The following TNFSF15 variants were observed in gnomAD, a reference collection of about 807,000 sequenced individuals.
TNFSF15 encodes the protein TNF superfamily member 15.
A neutral mutation model predicts 26.4 loss-of-function variants in TNFSF15; 15 were observed. The ratio of observed to expected loss-of-function variants is 0.57; its 90% CI spans 0.38 to 0.87. The LOEUF (loss-of-function observed/expected upper bound fraction) is 0.87. Among genes scored for constraint, TNFSF15 ranks in the 40% least tolerant of loss-of-function variants. The pLI is 0.00. For missense variants in TNFSF15, 290 were observed against 306.1 expected, an observed-to-expected ratio of 0.95 and a Z score of 0.39; for synonymous variants, 116 against 115.0, an observed-to-expected ratio of 1.01 and a Z score of -0.06.
intron 1 of TNFSF15, among the ~76,000 whole-genome samples, chr9:114,803,318 C>T (rs1047325580): frequency 6.6e-6 from 1 of 152,184 alleles, no homozygotes; most frequent in Non-Finnish European, 1.5e-5. Flanking sequence ...CTAACATACA[C>T]AATGCTCCTT....
intron 1 of TNFSF15, among the ~76,000 whole-genome samples, chr9:114,794,591 C>G (rs1829652605): frequency 6.6e-6 from 1 of 152,070 alleles, no homozygotes; most frequent in Non-Finnish European, 1.5e-5. Context: ...AAAGACTATT[C>G]ACAATAGTAG....
rs1216097443 is a variant in TNFSF15 at position 114,786,616 on chromosome 9, A to T, written c.*3836T>A. 1 of 149,106 alleles carries T rather than the reference A, an allele frequency of 6.7e-6. No individual in the cohort carries two copies. The highest frequency in any genetic ancestry group is 1.5e-5 in the Non-Finnish European group (1 of 67,326). 9.2% of individuals were successfully genotyped at this position (149,106 alleles called of 1,614,324 possible). A position where few individuals can be genotyped will look rare whatever the true frequency, so the allele number is the denominator to read the frequency against. On this transcript the variant is annotated 3_prime_UTR_variant, in exon 4 of 4. Coordinates refer to ENST00000374045, the MANE Select transcript of TNFSF15 (RefSeq NM_005118.4). ...TTCCCTTTTCTTACTGTACCTTAGTAAAAAAAAAATCAGAGTCCGGGCACA... is the reference window on the plus strand; with the variant it reads ...TTCCCTTTTCTTACTGTACCTTAGTTAAAAAAAAATCAGAGTCCGGGCACA...
Position 114,793,533 on chromosome 9 carries a change from C to A in TNFSF15, c.246G>T (p.Gln82His), listed in dbSNP as rs1446425593. Residue 82 changes from glutamine (Q) to histidine (H), a missense_variant, in exon 2 of 4, where the codon CAG becomes CAT. Gln to His is a conservative substitution (Grantham distance 24). This residue lies in a region of TNFSF15 where 179 missense variants were observed against 165.9 expected (regional missense o/e 1.08). Coordinates refer to ENST00000374045, the MANE Select transcript of TNFSF15 (RefSeq NM_005118.4). ...LKGQEFAPSH[Q>H]QVYAPLRADG... Reference sequence around the variant, plus strand: ...GAAGATGAGCATACTTACAAACTTGCTGATGTGAAGGTGCAAACTCCTGTC... The same window carrying A: ...GAAGATGAGCATACTTACAAACTTGATGATGTGAAGGTGCAAACTCCTGTC... 3 of 1,613,844 alleles carry A rather than the reference C, an allele frequency of 1.9e-6. No homozygotes were observed. Among genetic ancestry groups the A allele is most frequent in the South Asian group, 1.1e-5 (1 of 91,074 alleles).
At chr9:114,799,919 G>A (rs991552061) in intron 1 of TNFSF15, among the ~76,000 whole-genome samples, 2 of 152,302 alleles carry the variant, frequency 1.3e-5, no homozygotes, top group Non-Finnish European at 2.9e-5. Context: ...CTGATCTTTG[G>A]AGTGAATATC....
rs372685008 is a variant in TNFSF15 at position 114,790,883 on chromosome 9, G to T, written c.325C>A (p.His109Asn). ...AGAGCTGGGAACTGATTTTTAAAGT[G>T]CTGTGTGGGAGTTTGTCTCACAACT... ...LTVVRQTPTQ[H>N]FKNQFPALHW... Residue 109 changes from histidine (H) to asparagine (N), a missense_variant, in exon 4 of 4, where the codon CAC (histidine) becomes AAC (asparagine). His to Asn is a moderately conservative substitution (Grantham distance 68, BLOSUM62 1). Around this residue, in one of 3 missense-constraint regions of TNFSF15, gnomAD observed 179 missense variants for 165.9 expected, o/e 1.08. Coordinates refer to ENST00000374045, the MANE Select transcript of TNFSF15 (RefSeq NM_005118.4). 4 of 1,614,168 alleles carry T rather than the reference G, an allele frequency of 2.5e-6. No homozygotes were observed. In the South Asian group the frequency reaches 4.4e-5, roughly 18 times the overall value.
chr9:114,794,419 G>A, intron 1 of TNFSF15, among the ~76,000 whole-genome samples: 1 of 152,114 alleles, frequency 6.6e-6, no homozygotes, highest in East Asian at 1.9e-4. Flanking sequence ...CATGGTTGGT[G>A]GGAATATAAA....
rs1829506991 is a variant in TNFSF15, at chr9:114,786,716, T to C, written c.*3736A>G. The stretch of plus-strand genomic sequence containing the variant: ...TCACGAGGTCAGGAGATCGAGACCA[T>C]CCTGGCTAACACGGTGAAACCCCGT... On this transcript the variant is annotated 3_prime_UTR_variant, in exon 4 of 4. Coordinates refer to ENST00000374045, the MANE Select transcript of TNFSF15 (RefSeq NM_005118.4). 6.6e-6 allele frequency: 1 copy of C among 151,590 alleles called. No homozygotes were observed. The highest frequency in any genetic ancestry group is 6.6e-5 in the Admixed American group (1 of 15,230). 9.4% of individuals were successfully genotyped at this position (151,590 alleles called of 1,614,324 possible).
intron 1 of TNFSF15, 55 bp from the exon 2 acceptor site, chr9:114,793,623 C>T: frequency 6.5e-7 from 1 of 1,539,644 alleles, no homozygotes; most frequent in East Asian, 2.3e-5. Flanking sequence ...GATCCCAACA[C>T]TTACAGCTTC....
At chr9:114,794,091 T>A (rs1378216794) in intron 1 of TNFSF15, among the ~76,000 whole-genome samples, 1 of 152,248 alleles carries the variant, frequency 6.6e-6, no homozygotes, top group Non-Finnish European at 1.5e-5. Context: ...AGATACCACA[T>A]GATGGTGGAA....
intron 3 of TNFSF15, 23 bp from the exon 4 acceptor site, chr9:114,790,929 T>A: frequency 6.2e-7 from 1 of 1,609,630 alleles, no homozygotes; most frequent in Non-Finnish European, 8.5e-7. Context: ...GAAAGAGGAT[T>A]AATTTTCTCA....
chr9:114,790,333 C>T lies in TNFSF15; in HGVS notation c.*119G>A. 2.0e-6 allele frequency: 2 copies of T among 1,002,392 alleles called. No homozygotes were observed. Among genetic ancestry groups the T allele is most frequent in the Middle Eastern group, 3.2e-4 (1 of 3,116 alleles). 62.1% of individuals were successfully genotyped at this position (1,002,392 alleles called of 1,614,324 possible). On this transcript the variant is annotated 3_prime_UTR_variant, in exon 4 of 4. Transcript: ENST00000374045. ...CAAATTTCATAGCTAAACCGTTGTCCCTGTGGAATGCCCCCTACTCCCGGC... is the reference window on the plus strand; with the variant it reads ...CAAATTTCATAGCTAAACCGTTGTCTCTGTGGAATGCCCCCTACTCCCGGC...
rs1214252242 is a variant in TNFSF15, at chr9:114,787,188, T to G, written c.*3264A>C. On this transcript the variant is annotated 3_prime_UTR_variant, in exon 4 of 4. Transcript: ENST00000374045. ...AAATAATGGATTCTACAATAAAAAA[T>G]GGGAACTTTTTTACCTTCTTGATTT... 1.3e-5 allele frequency: 2 copies of G among 152,246 alleles called. No homozygotes were observed. The highest frequency in any genetic ancestry group is 3.9e-4 in the East Asian group (2 of 5,188). 9.4% of individuals were successfully genotyped at this position (152,246 alleles called of 1,614,324 possible).
rs1395908871 is a variant in TNFSF15 at position 114,788,566 on chromosome 9, T to G, written c.*1886A>C. 1 of 152,240 alleles carries G rather than the reference T, an allele frequency of 6.6e-6. No individual in the cohort carries two copies. The highest frequency in any genetic ancestry group is 2.4e-5 in the African/African-American group (1 of 41,470). The allele number at this position is 152,240 out of a possible 1,614,324, so 9.4% of individuals were successfully genotyped here. A position where few individuals can be genotyped will look rare whatever the true frequency, so the allele number is the denominator to read the frequency against. ...ACACTTTGCTCAGGAGCCTCTCAAA[T>G]GCCTCTCTGCCTCTATAGTCTACTG... On this transcript the variant is annotated 3_prime_UTR_variant, in exon 4 of 4. Coordinates refer to ENST00000374045, the MANE Select transcript of TNFSF15 (RefSeq NM_005118.4).
chr9:114,798,473 G>C (rs1271169289), intron 1 of TNFSF15, among the ~76,000 whole-genome samples: 3 of 152,046 alleles, frequency 2.0e-5, no homozygotes. Context: ...AAATTGGGCA[G>C]AAGAAAGCAT....
intron 1 of TNFSF15, among the ~76,000 whole-genome samples, chr9:114,802,556 T>A (rs924371843): frequency 6.6e-6 from 1 of 152,208 alleles, no homozygotes; most frequent in Non-Finnish European, 1.5e-5. Flanking sequence ...CGGCCAGATT[T>A]TGTTTTTAAT....
chr9:114,792,632 C>G (rs781497646), intron 2 of TNFSF15, 178 bp from the exon 3 acceptor site: 13 of 1,410,736 alleles, frequency 9.2e-6, no homozygotes, highest in Non-Finnish European at 1.2e-5. Context: ...GCAAGCACCA[C>G]CAAGGACAGG....
At position 114,788,393 on chromosome 9, in the gene TNFSF15, G is replaced by C. The variant is rs12686846; in HGVS notation, c.*2059C>G. Reference sequence around the variant, plus strand: ...TCTGTGCTGACTGTTTTGAGAAAGGGAAGGCAAGAAAAAGGCCTGGCTTAA... The same window carrying C: ...TCTGTGCTGACTGTTTTGAGAAAGGCAAGGCAAGAAAAAGGCCTGGCTTAA... On this transcript the variant is annotated 3_prime_UTR_variant, in exon 4 of 4. Transcript: ENST00000374045. 6.5e-6 allele frequency: 1 copy of C among 153,754 alleles called. No individual in the cohort carries two copies. Among genetic ancestry groups the C allele is most frequent in the Non-Finnish European group, 1.5e-5 (1 of 68,044 alleles). The allele number at this position is 153,754 out of a possible 1,614,324, so 9.5% of individuals were successfully genotyped here.
In TNFSF15 at chr9:114,792,435, G is replaced by A. The variant is rs772513068; in HGVS notation, c.273C>T (p.Asp91=). ...TCAGGTGTGCCCTTGGCTTATCTCC[G>A]TCTGCTCTAAGAGGTGCATCTGTAA... ...HQQVYAPLRA[D]GDKPRAHLTV... The change falls in exon 3 of 4, where the codon GAC becomes GAT. Residue 91 remains aspartate (D), a synonymous_variant. Transcript: ENST00000374045. 110 of 1,614,112 alleles carry A rather than the reference G, an allele frequency of 6.8e-5. No individual in the cohort carries two copies. In the Admixed American group the frequency reaches 9.2e-4, roughly 13 times the overall value.
At position 114,796,043 on chromosome 9, in the gene TNFSF15, T is replaced by A. The variant is rs559403597; in HGVS notation, c.211-2475A>T. 2.0e-5 allele frequency among the ~76,000 whole-genome samples: 3 copies of A among 152,320 alleles called. No individual in the cohort carries two copies. In the South Asian group the frequency reaches 6.2e-4, roughly 32 times the overall value. The stretch of plus-strand genomic sequence containing the variant: ...TGACTTTACAGTCTGTCCAGCCCCT[T>A]TCCATCCACTTCTCAATTCTGTTAA... On this transcript the variant is annotated intron_variant, in intron 1 of 3. Transcript: ENST00000374045.
Sources: gnomAD v4.1 joint callset for allele counts (sites outside exome capture counted in the v4.1 genomes callset) on GRCh38, gnomAD v4.1.1 for gene constraint, gnomAD v4.1.1 regional missense constraint, MANE v1.5 for transcripts, NCBI Gene and HGNC (gene_info 2026-07-23, HGNC 2026-07-21) for gene names.